RORA: variants seen among roughly 807,000 people sequenced by gnomAD.
RORA encodes the protein RAR related orphan receptor A.
RORA carries 7 observed loss-of-function variants against 69.5 expected under a neutral mutation model. The ratio of observed to expected loss-of-function variants is 0.10; its 90% CI spans 0.06 to 0.19. The LOEUF is 0.19. Among genes scored for constraint, RORA ranks in the 10% least tolerant of loss-of-function variants. RORA has a pLI of 1.00. For synonymous variants in RORA, 261 were observed against 240.8 expected (o/e 1.08, Z -0.78); for missense variants, 457 against 663.0 (o/e 0.69, Z 3.41).
chr15:61,104,279 G>A (rs919221865), intron 1 of RORA, among the ~76,000 whole-genome samples: 1 of 152,182 alleles, frequency 6.6e-6, no homozygotes, highest in Non-Finnish European at 1.5e-5. Flanking sequence ...AACGCACCTA[G>A]GTTATTTCTA....
At chr15:61,099,699 T>C (rs772269729) in intron 1 of RORA, among the ~76,000 whole-genome samples, 13 of 152,256 alleles carry the variant, frequency 8.5e-5, no homozygotes, top group Non-Finnish European at 1.6e-4. Context: ...TTCCAGCAAG[T>C]TGGATTCATT....
intron 1 of RORA, among the ~76,000 whole-genome samples, chr15:61,210,676 T>C (rs967950040): frequency 6.6e-6 from 1 of 152,184 alleles, no homozygotes; most frequent in African/African-American, 2.4e-5. Flanking sequence ...ACACACGCAT[T>C]TTTTAAAAGG....
At chr15:60,773,431 G>A (rs1393369073) in intron 1 of RORA, among the ~76,000 whole-genome samples, 8 of 152,002 alleles carry the variant, frequency 5.3e-5, no homozygotes, top group Admixed American at 5.2e-4. Flanking sequence ...TGTTTCCCGA[G>A]AATGGGAATA....
rs1014011153 is a variant in RORA, at chr15:61,226,532, C to G, written c.166+2521G>C. On this transcript the variant is annotated intron_variant, in intron 1 of 10. Coordinates refer to ENST00000335670, the MANE Select transcript of RORA (RefSeq NM_134261.3). The surrounding 1 kb of genome is among the most constrained non-coding windows in gnomAD (Gnocchi z 4.2). Reference sequence around the variant, plus strand: ...CCAACTCCATTACATCATCTGAAAACCCAAACATTTCCCATTTTCAAATCA... The same window carrying G: ...CCAACTCCATTACATCATCTGAAAAGCCAAACATTTCCCATTTTCAAATCA... Among the ~76,000 whole-genome samples the G allele has an allele frequency of 6.6e-6, 1 of 152,146 alleles. No individual in the cohort carries two copies. The highest frequency in any genetic ancestry group is 6.5e-5 in the Admixed American group (1 of 15,272).
intron 1 of RORA, among the ~76,000 whole-genome samples, chr15:61,162,268 G>A (rs1036649755): frequency 2.6e-5 from 4 of 152,200 alleles, no homozygotes; most frequent in African/African-American, 9.6e-5. Flanking sequence ...TATTCCCACA[G>A]AAAGATGTGT....
chr15:60,698,879 T>A (rs1567160854), intron 1 of RORA, among the ~76,000 whole-genome samples: 1 of 152,126 alleles, frequency 6.6e-6, no homozygotes, highest in Non-Finnish European at 1.5e-5. Flanking sequence ...TTTTAAAAAA[T>A]TTTGTTTTTG....
intron 1 of RORA, chr15:61,183,020 A>G (rs2079702480): frequency 6.6e-6 from 1 of 152,340 alleles, no homozygotes; most frequent in South Asian, 2.1e-4. Context: ...ACACAACTCA[A>G]TGCAATGTGG....
At chr15:61,102,742 C>A (rs148087162) in intron 1 of RORA, among the ~76,000 whole-genome samples, 12 of 152,298 alleles carry the variant, frequency 7.9e-5, no homozygotes, top group African/African-American at 2.9e-4. Context: ...AAGCATGCAC[C>A]TAGTTTTTCT....
chr15:61,013,148 T>C (rs953904215), intron 1 of RORA, among the ~76,000 whole-genome samples: 1 of 152,204 alleles, frequency 6.6e-6, no homozygotes, highest in Admixed American at 6.5e-5. Context: ...ATAGGATAAG[T>C]CACTTTACTT....
chr15:60,988,294 C>G (rs758692086), intron 1 of RORA, among the ~76,000 whole-genome samples: 3 of 152,114 alleles, frequency 2.0e-5, no homozygotes, highest in Non-Finnish European at 2.9e-5. Flanking sequence ...AATATTAATT[C>G]CCTTTGGGGT....
intron 2 of RORA, among the ~76,000 whole-genome samples, chr15:60,613,123 G>A (rs1260768421): frequency 6.6e-6 from 1 of 151,862 alleles, no homozygotes; most frequent in Admixed American, 6.6e-5. Flanking sequence ...ATTCAATTAA[G>A]AGAAACAGGT....
chr15:60,752,765 GT>G (rs2071744288), intron 1 of RORA, among the ~76,000 whole-genome samples: 1 of 152,074 alleles, frequency 6.6e-6, no homozygotes, highest in South Asian at 2.1e-4. Flanking sequence ...AATAGCGCTG[GT>G]CCCAGGCCTG....
chr15:60,606,394 T>A (rs1358639730), intron 2 of RORA, among the ~76,000 whole-genome samples: 4 of 152,234 alleles, frequency 2.6e-5, no homozygotes, highest in African/African-American at 9.6e-5. Context: ...AGAGTTCTAT[T>A]TTCAGCTCCT....
chr15:60,758,042 G>A (rs753289437), intron 1 of RORA, among the ~76,000 whole-genome samples: 2 of 152,162 alleles, frequency 1.3e-5, no homozygotes, highest in African/African-American at 4.8e-5. Flanking sequence ...CAATGGGACC[G>A]GCACCTCTAG....
At chr15:60,805,067 C>A (rs2072641237) in intron 1 of RORA, among the ~76,000 whole-genome samples, 1 of 152,160 alleles carries the variant, frequency 6.6e-6, no homozygotes, top group African/African-American at 2.4e-5. Context: ...GTGAGAATCC[C>A]ATGGATCCAG....
chr15:61,068,974 G>T (rs1274249262), intron 1 of RORA, among the ~76,000 whole-genome samples: 2 of 152,260 alleles, frequency 1.3e-5, no homozygotes, highest in Non-Finnish European at 2.9e-5. Context: ...ACGTAATTCA[G>T]GGTGGGTCTT....
At chr15:60,711,739 T>C (rs1290467667) in intron 1 of RORA, among the ~76,000 whole-genome samples, 1 of 152,236 alleles carries the variant, frequency 6.6e-6, no homozygotes, top group East Asian at 1.9e-4. Flanking sequence ...AGAAAGAAGA[T>C]ATTTCTTTTG....
At chr15:60,659,554 C>T (rs2070272250) in intron 2 of RORA, among the ~76,000 whole-genome samples, 1 of 152,146 alleles carries the variant, frequency 6.6e-6, no homozygotes. Context: ...TGCATGCTAA[C>T]AATCAATGCA....
chr15:60,964,439 G>C (rs951417445), intron 1 of RORA, among the ~76,000 whole-genome samples: 1 of 152,162 alleles, frequency 6.6e-6, no homozygotes. Flanking sequence ...CCTCTGAAAA[G>C]AATGAGTCTT....
Sources: gnomAD v4.1 joint callset for allele counts (sites outside exome capture counted in the v4.1 genomes callset) on GRCh38, gnomAD v4.1.1 for gene constraint, Gnocchi (gnomAD v3.1) non-coding constraint, MANE v1.5 for transcripts, NCBI Gene and HGNC (gene_info 2026-07-23, HGNC 2026-07-21) for gene names.